SPATA6L: variants seen among roughly 807,000 people sequenced by gnomAD.
SPATA6L encodes the protein spermatogenesis associated 6-like protein.
A neutral mutation model predicts 49.2 loss-of-function variants in SPATA6L; 68 were observed. The ratio of observed to expected loss-of-function variants is 1.38; its 90% confidence interval spans 1.14 to 1.69. The LOEUF is 1.69. SPATA6L is among the 40% of genes most tolerant of loss of function. The pLI, the probability that SPATA6L is intolerant of heterozygous loss-of-function variation, is 0.00. For missense variants in SPATA6L, 668 were observed against 464.3 expected (o/e 1.44, Z -4.03); for synonymous variants, 198 against 165.7 (o/e 1.19, Z -1.50).
chr9:4,660,324 C>T (rs1243738430), intron 2 of SPATA6L, among the ~76,000 whole-genome samples: 9 of 152,166 alleles, frequency 5.9e-5, no homozygotes, highest in Non-Finnish European at 1.3e-4. Flanking sequence ...AGAACTTAAA[C>T]AAATTTACAA....
At chr9:4,649,729 T>C (rs1046505243) in intron 3 of SPATA6L, among the ~76,000 whole-genome samples, 3 of 152,244 alleles carry the variant, frequency 2.0e-5, no homozygotes, top group Non-Finnish European at 4.4e-5. Flanking sequence ...ACGTAATTCA[T>C]ACTTGCTTTA....
chr9:4,652,954 A>T (rs1837269953), intron 3 of SPATA6L, among the ~76,000 whole-genome samples: 1 of 152,112 alleles, frequency 6.6e-6, no homozygotes, highest in African/African-American at 2.4e-5. Flanking sequence ...CCCCAAATTG[A>T]TCTACAGTCA....
At chr9:4,595,324 T>A (rs1392314549), downstream of SPATA6L, among the ~76,000 whole-genome samples, 1 of 152,168 alleles carries the variant, frequency 6.6e-6, no homozygotes, top group Non-Finnish European at 1.5e-5. Context: ...TCAGCCCTTC[T>A]CTTTCCTGTG....
At chr9:4,613,080 T>A (rs192901773) in intron 9 of SPATA6L, among the ~76,000 whole-genome samples, 2 of 151,756 alleles carry the variant, frequency 1.3e-5, no homozygotes, top group African/African-American at 2.4e-5. Flanking sequence ...TACAAAAAAT[T>A]AGCCAGGTGT....
chr9:4,640,633 G>A (rs1025910484), intron 3 of SPATA6L, among the ~76,000 whole-genome samples: 1 of 152,022 alleles, frequency 6.6e-6, no homozygotes, highest in African/African-American at 2.4e-5. Context: ...CCACTACTAC[G>A]TGCCCGGAGC....
At chr9:4,602,078 C>A (rs1487024705) in intron 11 of SPATA6L, among the ~76,000 whole-genome samples, 1 of 152,068 alleles carries the variant, frequency 6.6e-6, no homozygotes, top group African/African-American at 2.4e-5. Flanking sequence ...TAAGCGTATG[C>A]CAAACTACTG....
intron 13 of SPATA6L, among the ~76,000 whole-genome samples, chr9:4,592,140 C>A (rs1418373805): frequency 6.6e-6 from 1 of 151,980 alleles, no homozygotes; most frequent in Non-Finnish European, 1.5e-5. Flanking sequence ...CATGATGAAA[C>A]CCTGTCTCTA....
chr9:4,625,724 A>G (rs1054310155), intron 5 of SPATA6L, 158 bp from the exon 6 acceptor site: 1 of 506,654 alleles, frequency 2.0e-6, no homozygotes, highest in African/African-American at 2.1e-5. Context: ...ACATTTCTCT[A>G]ATTTTTTTCC....
At chr9:4,605,248 G>A in intron 10 of SPATA6L, 99 bp downstream of exon 10, 1 of 882,598 alleles carries the variant, frequency 1.1e-6, no homozygotes, top group Non-Finnish European at 1.8e-6. Context: ...ACTTATTTCT[G>A]TGGTTATTTG....
Position 4,654,075 on chromosome 9 carries a change from A to T in SPATA6L, c.226+1966T>A, listed in dbSNP as rs990888850. Among the ~76,000 whole-genome samples the T allele has an allele frequency of 4.6e-5, 7 of 152,238 alleles. No homozygotes were observed. The East Asian group carries it at 1.3e-3, about 29-fold the overall frequency. Reference sequence around the variant, plus strand: ...GTTCAATATCATTAGCCATCAGGGAAATGCAAATCAAAACAATGACGAGAT... The same window carrying T: ...GTTCAATATCATTAGCCATCAGGGATATGCAAATCAAAACAATGACGAGAT... On this transcript the variant is annotated intron_variant, in intron 3 of 11. Transcript: ENST00000682582.
chr9:4,660,068 AT>A (rs1490063863), intron 2 of SPATA6L, among the ~76,000 whole-genome samples: 1 of 152,284 alleles, frequency 6.6e-6, no homozygotes, highest in Non-Finnish European at 1.5e-5. Flanking sequence ...ACCTAAAACC[AT>A]AAAAACCCTA....
At chr9:4,640,833 T>TA (rs142841801) in intron 3 of SPATA6L, among the ~76,000 whole-genome samples, 18,412 of 152,182 alleles carry the variant, frequency 0.12, 1,567 homozygotes, top group African/African-American at 0.23. Flanking sequence ...GATTGTAAAT[T>TA]AAAAAAACAA....
intron 10 of SPATA6L, among the ~76,000 whole-genome samples, chr9:4,604,873 A>T (rs113218797): frequency 2.6e-5 from 4 of 152,140 alleles, no homozygotes; most frequent in African/African-American, 9.6e-5. Context: ...GATCAGAAGC[A>T]CTCCCCATAC....
At chr9:4,593,398 A>G (rs1211727981), downstream of SPATA6L, among the ~76,000 whole-genome samples, 1 of 152,100 alleles carries the variant, frequency 6.6e-6, no homozygotes, top group Non-Finnish European at 1.5e-5. Flanking sequence ...ATATCATTGT[A>G]TCCCTCCCTT....
chr9:4,666,243 A>T lies in SPATA6L; in HGVS notation c.8T>A (p.Leu3Gln). The T allele has an allele frequency of 6.2e-7, 1 of 1,614,180 alleles. No homozygotes were observed. Among genetic ancestry groups the T allele is most frequent in the Non-Finnish European group, 8.5e-7 (1 of 1,180,026 alleles). Residue 3 changes from leucine (L) to glutamine (Q), a missense_variant, in exon 1 of 12, where the codon CTG becomes CAG. Leu to Gln is a moderately radical substitution (Grantham distance 113, BLOSUM62 -2). Coordinates refer to ENST00000682582, the MANE Select transcript of SPATA6L (RefSeq NM_001353486.2). The part of the protein sequence containing the change: MP[L>Q]EVVVELQIRA... ...GATCTGCAGCTCCACCACCACCTCC[A>T]GAGGCATCGTTCCCTGCGTGGGCGA...
chr9:4,660,568 T>C (rs1044173562), intron 2 of SPATA6L, among the ~76,000 whole-genome samples: 1 of 152,196 alleles, frequency 6.6e-6, no homozygotes, highest in Non-Finnish European at 1.5e-5. Flanking sequence ...CAGGAACACC[T>C]TTACACTGTT....
rs534990614 is a variant in SPATA6L at position 4,654,603 on chromosome 9, G to C, written c.226+1438C>G. ...AGGATCACACATGGGCTTGGAGAAT[G>C]AGTGTGAGGTTTTATTGAGTGGGGG... On this transcript the variant is annotated intron_variant, in intron 3 of 11. Coordinates refer to ENST00000682582, the MANE Select transcript of SPATA6L (RefSeq NM_001353486.2). Among the ~76,000 whole-genome samples, 8 of 152,336 alleles carry C rather than the reference G, an allele frequency of 5.3e-5. No homozygotes were observed. In the South Asian group the frequency reaches 1.7e-3, roughly 32 times the overall value.
chr9:4,641,388 G>C (rs781707738), intron 3 of SPATA6L, among the ~76,000 whole-genome samples: 1 of 152,054 alleles, frequency 6.6e-6, no homozygotes, highest in East Asian at 1.9e-4. Context: ...GGTAAAAAGA[G>C]CATAATAATA....
At chr9:4,663,519 C>T in intron 1 of SPATA6L, 1 of 427,230 alleles carries the variant, frequency 2.3e-6, no homozygotes, top group Non-Finnish European at 4.3e-6. Flanking sequence ...TTTATGTTTC[C>T]AGGACAACTG....
Sources: gnomAD v4.1 joint callset for allele counts (sites outside exome capture counted in the v4.1 genomes callset) on GRCh38, gnomAD v4.1.1 for gene constraint, MANE v1.5 for transcripts, NCBI Gene and HGNC (gene_info 2026-07-23, HGNC 2026-07-21) for gene names.